Variants in DOCK7 observed in about 807,000 individuals in gnomAD.
The protein encoded by DOCK7 is dedicator of cytokinesis 7, also known as dedicator of cytokinesis protein 7.
Under a neutral mutation model 271.0 loss-of-function variants are expected in DOCK7, and 138 were observed. The observed-to-expected ratio is 0.51, with a 90% confidence interval of 0.44 to 0.59. The LOEUF is 0.59. Among genes scored for constraint, DOCK7 ranks in the 20% least tolerant of loss-of-function variants. The pLI is 0.00. For missense variants in DOCK7, 2,066 were observed against 2,592.4 expected (o/e 0.80, Z 4.41); for synonymous variants, 823 against 876.1 (o/e 0.94, Z 1.07).
Position 62,663,020 on chromosome 1 carries a change from C to T in DOCK7, c.144+5G>A. The T allele has an allele frequency of 6.2e-7, 1 of 1,602,532 alleles. No homozygotes were observed. Among genetic ancestry groups the T allele is most frequent in the Non-Finnish European group, 8.5e-7 (1 of 1,171,004 alleles). ...AAGAGACTATATTTTGAATACGTTACTTACTGTGGTGTGATGGGATATATT... is the reference window on the plus strand; with the variant it reads ...AAGAGACTATATTTTGAATACGTTATTTACTGTGGTGTGATGGGATATATT... On this transcript the variant is annotated splice_donor_5th_base_variant and intron_variant, in intron 2 of 49. Transcript: ENST00000635253.
intron 14 of DOCK7, among the ~76,000 whole-genome samples, chr1:62,593,139 C>T (rs916577030): frequency 2.0e-5 from 3 of 152,064 alleles, no homozygotes; most frequent in African/African-American, 7.2e-5. Context: ...ATAACAAGAT[C>T]CCACTTGTGT....
At chr1:62,628,774 T>G (rs1233017760) in intron 11 of DOCK7, 2 of 152,308 alleles carry the variant, frequency 1.3e-5, no homozygotes, top group African/African-American at 4.8e-5. Context: ...GGAGAAAATT[T>G]GCTATCATAT....
intron 11 of DOCK7, chr1:62,628,988 A>G (rs1473695211): frequency 6.6e-6 from 1 of 152,258 alleles, no homozygotes; most frequent in Non-Finnish European, 1.5e-5. Flanking sequence ...AATGATGCTT[A>G]ATATCGCTAG....
At chr1:62,597,645 G>C (rs1649459413) in intron 14 of DOCK7, 2 of 1,613,232 alleles carry the variant, frequency 1.2e-6, no homozygotes, top group East Asian at 4.5e-5. Context: ...TTCATCATTT[G>C]ATTCTCTATC....
chr1:62,620,070 AG>A, intron 12 of DOCK7, 77 bp from the exon 13 acceptor site: 1 of 1,202,970 alleles, frequency 8.3e-7, no homozygotes, highest in Non-Finnish European at 1.2e-6. Flanking sequence ...CTGTAATCCT[AG>A]CACTTTGGGA....
chr1:62,517,887 G>T (rs943089561), intron 31 of DOCK7, among the ~76,000 whole-genome samples: 1 of 152,124 alleles, frequency 6.6e-6, no homozygotes, highest in East Asian at 1.9e-4. Context: ...ACAGAGTGAC[G>T]TAAAGGAACA....
At chr1:62,559,318 T>C in intron 19 of DOCK7, 98 bp from the exon 20 acceptor site, 4 of 826,336 alleles carry the variant, frequency 4.8e-6, no homozygotes, top group Non-Finnish European at 7.4e-6. Flanking sequence ...TATTACTTGA[T>C]AACACTAAAA....
chr1:62,645,609 A>G (rs946544851), intron 7 of DOCK7, among the ~76,000 whole-genome samples: 3 of 152,214 alleles, frequency 2.0e-5, no homozygotes, highest in Non-Finnish European at 4.4e-5. Flanking sequence ...TTATTGCAAT[A>G]ATAGTTGCAC....
intron 18 of DOCK7, among the ~76,000 whole-genome samples, chr1:62,563,901 A>G (rs910967370): frequency 9.4e-6 from 1 of 106,206 alleles, no homozygotes; most frequent in African/African-American, 3.4e-5. Context: ...AAAAAAAAAA[A>G]AAAGGCAGGC....
At chr1:62,579,037 G>A in intron 16 of DOCK7, 71 bp from the exon 17 acceptor site, 3 of 1,302,424 alleles carry the variant, frequency 2.3e-6, no homozygotes, top group Non-Finnish European at 3.0e-6. Context: ...TTGTATATTT[G>A]AATAATTTTA....
intron 25 of DOCK7, among the ~76,000 whole-genome samples, chr1:62,541,757 G>C (rs1645541384): frequency 6.6e-6 from 1 of 152,080 alleles, no homozygotes; most frequent in South Asian, 2.1e-4. Flanking sequence ...CTGTGTGGGG[G>C]AGTCGGTTCC....
intron 14 of DOCK7, among the ~76,000 whole-genome samples, chr1:62,613,434 G>C (rs1322673688): frequency 1.3e-5 from 2 of 152,038 alleles, no homozygotes; most frequent in Non-Finnish European, 2.9e-5. Flanking sequence ...GGGAGGCGCG[G>C]GGAACGACAG....
intron 14 of DOCK7, chr1:62,608,886 T>C (rs1651388143): frequency 6.6e-6 from 1 of 152,150 alleles, no homozygotes; most frequent in African/African-American, 2.4e-5. Flanking sequence ...ATGGTATTCA[T>C]TAAACAACAC....
intron 34 of DOCK7, among the ~76,000 whole-genome samples, chr1:62,510,207 C>T (rs1430845040): frequency 2.6e-5 from 4 of 152,106 alleles, no homozygotes; most frequent in African/African-American, 4.8e-5. Context: ...TTTTGTCTTT[C>T]TTGAATTATA....
intron 7 of DOCK7, among the ~76,000 whole-genome samples, chr1:62,644,952 T>G (rs536863354): frequency 6.6e-6 from 1 of 152,314 alleles, no homozygotes; most frequent in African/African-American, 2.4e-5. Context: ...AGAAATAAAC[T>G]TGTAACTTTT....
intron 14 of DOCK7, among the ~76,000 whole-genome samples, chr1:62,616,077 A>C (rs1320833870): frequency 6.6e-6 from 1 of 151,830 alleles, no homozygotes; most frequent in Non-Finnish European, 1.5e-5. Context: ...CATTAAACTC[A>C]AAAAGCAAAA....
At chr1:62,661,084 C>T (rs1193282739) in intron 2 of DOCK7, among the ~76,000 whole-genome samples, 1 of 141,414 alleles carries the variant, frequency 7.1e-6, no homozygotes, top group African/African-American at 2.6e-5. Flanking sequence ...GATGATAAAG[C>T]AAGAACCTGT....
At chr1:62,543,569 T>C in intron 24 of DOCK7, 87 bp downstream of exon 24, 1 of 971,194 alleles carries the variant, frequency 1.0e-6, no homozygotes, top group Non-Finnish European at 1.6e-6. Context: ...TGTAAGTATC[T>C]CATACTGGTT....
At chr1:62,606,589 TAA>T (rs533178505) in intron 14 of DOCK7, among the ~76,000 whole-genome samples, 2 of 152,152 alleles carry the variant, frequency 1.3e-5, no homozygotes, top group Non-Finnish European at 2.9e-5. Context: ...TACTACTTAA[TAA>T]TAAGAATATC....
Sources: allele counts gnomAD v4.1 joint callset (sites outside exome capture counted in the v4.1 genomes callset), GRCh38; gene constraint gnomAD v4.1.1; transcripts MANE v1.5; gene names NCBI Gene and HGNC (gene_info 2026-07-23, HGNC 2026-07-21).